COPS2: variants seen among roughly 807,000 people sequenced by gnomAD.
COPS2 encodes COP9 signalosome subunit 2.
In COPS2, 10 loss-of-function variants were observed where a neutral mutation model predicts 66.1. The observed-to-expected ratio is 0.15, with a 90% CI of 0.09 to 0.26. COPS2 has a LOEUF of 0.26. Ranked by LOEUF, COPS2 falls within the 10% of genes least tolerant of loss-of-function variation. The pLI is 1.00. For missense variants in COPS2, 215 were observed against 513.3 expected, an observed-to-expected ratio of 0.42 and a Z score of 5.62; for synonymous variants, 179 against 171.3, an observed-to-expected ratio of 1.04 and a Z score of -0.35.
At chr15:49,138,357 T>A (rs898360893) in intron 4 of COPS2, among the ~76,000 whole-genome samples, 1 of 152,154 alleles carries the variant, frequency 6.6e-6, no homozygotes, top group South Asian at 2.1e-4. Context: ...GCTGATGGCA[T>A]ATTGAATAGA....
rs138729513 is a variant in COPS2, at chr15:49,126,249, A to G, written c.*1701T>C. On this transcript the variant is annotated 3_prime_UTR_variant, in exon 13 of 13. Transcript: ENST00000388901. ...TTTTGTTTTCTTTCCGTTTTCTACA[A>G]TTTCCAACTTGTACCTGTGTTTAAT... is the stretch of plus-strand genomic sequence containing the variant. 2 of 152,568 alleles carry G rather than the reference A, an allele frequency of 1.3e-5. No homozygotes were observed. Among genetic ancestry groups the G allele is most frequent in the African/African-American group, 4.8e-5 (2 of 41,546 alleles). The allele number at this position is 152,568 out of a possible 1,614,324, so 9.5% of individuals were successfully genotyped here.
chr15:49,132,027 T>C (rs188616501), intron 9 of COPS2, among the ~76,000 whole-genome samples: 12 of 152,296 alleles, frequency 7.9e-5, no homozygotes, highest in Admixed American at 7.8e-4. Flanking sequence ...ATCAGTCCTT[T>C]AACCAATTTT....
chr15:49,152,437 G>A (rs1412980464), intron 1 of COPS2, among the ~76,000 whole-genome samples: 5 of 151,814 alleles, frequency 3.3e-5, no homozygotes, highest in East Asian at 1.9e-4. Flanking sequence ...TTAATAGAAC[G>A]CTAGGGAAAG....
chr15:49,148,584 C>G (rs1435404631), intron 1 of COPS2, among the ~76,000 whole-genome samples: 1 of 152,088 alleles, frequency 6.6e-6, no homozygotes, highest in Non-Finnish European at 1.5e-5. Flanking sequence ...AGGAACAGGA[C>G]AACAGAAGTC....
intron 1 of COPS2, among the ~76,000 whole-genome samples, chr15:49,152,197 AG>A (rs1386511667): frequency 2.0e-5 from 3 of 151,558 alleles, no homozygotes; most frequent in African/African-American, 7.2e-5. Context: ...AGAAAATCCC[AG>A]ACAAAATAAC....
intron 3 of COPS2, 108 bp downstream of exon 3, chr15:49,144,119 A>G: frequency 1.3e-6 from 1 of 751,008 alleles, no homozygotes; most frequent in South Asian, 1.6e-5. Context: ...AAATATAAAA[A>G]CACATCCAAA....
chr15:49,137,485 C>T, intron 4 of COPS2, 48 bp from the exon 5 acceptor site: 2 of 1,342,106 alleles, frequency 1.5e-6, no homozygotes, highest in Admixed American at 1.7e-5. Flanking sequence ...CAAATTTGTA[C>T]CTGTTAATAA....
intron 12 of COPS2, 130 bp from the exon 13 acceptor site, chr15:49,128,224 G>A (rs926022986): frequency 5.2e-6 from 4 of 773,164 alleles, no homozygotes; most frequent in Non-Finnish European, 8.1e-6. Context: ...AATGAGTTCA[G>A]TGTTAGTTTT....
In COPS2 at chr15:49,144,167, C is replaced by A; in HGVS notation, c.246+60G>T. ...AAAAGAAGATATAATAGTACTTTGT[C>A]GTGATGAGGTTTTTACCTACAAAAT... On this transcript the variant is annotated intron_variant, in intron 3 of 12. Coordinates refer to ENST00000388901, the MANE Select transcript of COPS2 (RefSeq NM_004236.4). 3 of 1,026,544 alleles carry A rather than the reference C, an allele frequency of 2.9e-6. No homozygotes were observed. The South Asian group carries it at 3.9e-5, about 13-fold the overall frequency. 63.6% of individuals were successfully genotyped at this position (1,026,544 alleles called of 1,614,324 possible). A position where few individuals can be genotyped will look rare whatever the true frequency, so the allele number is the denominator to read the frequency against.
intron 4 of COPS2, among the ~76,000 whole-genome samples, chr15:49,138,723 C>T (rs1413639965): frequency 6.6e-6 from 1 of 151,990 alleles, no homozygotes; most frequent in Admixed American, 6.5e-5. Flanking sequence ...AAAATGACAT[C>T]TAGTAGAAAA....
chr15:49,125,335 G>A lies in COPS2; in HGVS notation c.*2615C>T, dbSNP rs951665101. The A allele has an allele frequency of 1.3e-5, 2 of 152,112 alleles. No individual in the cohort carries two copies. Among genetic ancestry groups the A allele is most frequent in the Admixed American group, 1.3e-4 (2 of 15,264 alleles). 9.4% of individuals were successfully genotyped at this position (152,112 alleles called of 1,614,324 possible). Reference sequence around the variant, plus strand: ...TAATGTAAGAGCAAGAGTGAGTAATGGAAATCCAGCTCTTGTAGTAGAGAG... The same window carrying A: ...TAATGTAAGAGCAAGAGTGAGTAATAGAAATCCAGCTCTTGTAGTAGAGAG... On this transcript the variant is annotated 3_prime_UTR_variant, in exon 13 of 13. Transcript: ENST00000388901.
At chr15:49,132,493 G>A (rs1008390087) in intron 9 of COPS2, among the ~76,000 whole-genome samples, 2 of 141,850 alleles carry the variant, frequency 1.4e-5, no homozygotes, top group African/African-American at 5.2e-5. Context: ...ATAATGTACA[G>A]TCTAATAGTG....
chr15:49,139,803 A>G (rs1290692787), intron 3 of COPS2, 150 bp from the exon 4 acceptor site: 3 of 567,304 alleles, frequency 5.3e-6, no homozygotes, highest in Non-Finnish European at 3.0e-6. Context: ...TATGTATGAC[A>G]GGAACATTGT....
intron 1 of COPS2, among the ~76,000 whole-genome samples, chr15:49,154,333 A>AT (rs1326138967): frequency 1.3e-5 from 2 of 152,216 alleles, no homozygotes; most frequent in Non-Finnish European, 2.9e-5. Flanking sequence ...AACCATAACT[A>AT]TTAGCGAAAC....
Position 49,134,117 on chromosome 15 carries a change from A to T in COPS2, c.716-9T>A. The T allele has an allele frequency of 6.3e-7, 1 of 1,599,508 alleles. No homozygotes were observed. The highest frequency in any genetic ancestry group is 1.8e-5 in the Admixed American group (1 of 56,442). On this transcript the variant is annotated splice_polypyrimidine_tract_variant and intron_variant, in intron 7 of 12. Coordinates refer to ENST00000388901, the MANE Select transcript of COPS2 (RefSeq NM_004236.4). ...CATTTTACCACCACATTCTGTGAAG[A>T]ATAAGACATGAGAAAATAGGACATT...
rs60767317 is a variant in COPS2, at chr15:49,148,294, G to GTAATATAATA, written c.55-3226_55-3217dup. On this transcript the variant is annotated intron_variant, in intron 1 of 12. Transcript: ENST00000388901. The stretch of plus-strand genomic sequence containing the variant: ...AAGGAACAGATATGCAAACAAAACC[G>GTAATATAATA]TAATATAATATAATATAATATAAGC... Among the ~76,000 whole-genome samples the GTAATATAATA allele has an allele frequency of 6.6e-5, 10 of 151,772 alleles. 1 individual carries two copies. The highest frequency in any genetic ancestry group is 2.4e-4 in the African/African-American group (10 of 41,226).
chr15:49,155,254 G>C (rs2084414239), intron 1 of COPS2, among the ~76,000 whole-genome samples: 1 of 152,270 alleles, frequency 6.6e-6, no homozygotes, highest in South Asian at 2.1e-4. Context: ...CTGGGACCAG[G>C]GGCATCCGTG....
chr15:49,155,451 C>T, intron 1 of COPS2, 74 bp downstream of exon 1: 1 of 1,424,710 alleles, frequency 7.0e-7, no homozygotes, highest in Non-Finnish European at 9.9e-7. Context: ...CGGGGAGAGG[C>T]CGCGGGCGCC....
intron 3 of COPS2, among the ~76,000 whole-genome samples, chr15:49,142,048 T>C (rs2084293101): frequency 6.6e-6 from 1 of 152,118 alleles, no homozygotes; most frequent in South Asian, 2.1e-4. Flanking sequence ...TTGAAACACT[T>C]GGTGCTTCTT....
Sources: allele counts gnomAD v4.1 joint callset (sites outside exome capture counted in the v4.1 genomes callset), GRCh38; gene constraint gnomAD v4.1.1; transcripts MANE v1.5; gene names NCBI Gene and HGNC (gene_info 2026-07-23, HGNC 2026-07-21).